Variants in PDE1C observed in about 807,000 individuals in gnomAD.
The protein encoded by PDE1C is dual specificity calcium/calmodulin-dependent 3',5'-cyclic nucleotide phosphodiesterase 1C.
In PDE1C, 62 loss-of-function variants were observed where a neutral mutation model predicts 93.1. That is an observed-to-expected ratio of 0.67 (90% CI 0.54 to 0.82). The LOEUF (loss-of-function observed/expected upper bound fraction) is 0.82, where lower values mean the gene tolerates loss of function less well. Ranked by LOEUF, PDE1C falls within the 40% of genes least tolerant of loss-of-function variation. PDE1C has a pLI of 0.00. For synonymous variants in PDE1C, 325 were observed against 310.1 expected (o/e 1.05, Z -0.50); for missense variants, 742 against 884.6 (o/e 0.84, Z 2.04).
chr7:32,377,140 A>T (rs1007055689), intron 1 of PDE1C, among the ~76,000 whole-genome samples: 3 of 152,196 alleles, frequency 2.0e-5, no homozygotes, highest in Admixed American at 2.0e-4. Flanking sequence ...AAATGAAAAA[A>T]AAATTAGACA....
the PDE1C span, among the ~76,000 whole-genome samples, chr7:31,732,668 G>GTGTA: frequency 3.0e-5 from 3 of 101,470 alleles, no homozygotes; most frequent in Non-Finnish European, 7.2e-5. Context: ...GTGTGTGTGT[G>GTGTA]TGTGTGTGTG....
At chr7:31,709,199 G>T in the PDE1C span, among the ~76,000 whole-genome samples, 1 of 152,114 alleles carries the variant, frequency 6.6e-6, no homozygotes, top group African/African-American at 2.4e-5. Context: ...AACCTTCATC[G>T]TTACTGACTT....
intron 1 of PDE1C, among the ~76,000 whole-genome samples, chr7:32,336,984 C>T (rs10237573): frequency 0.3 from 46,154 of 152,076 alleles, 8,048 homozygotes; most frequent in East Asian, 0.51. Flanking sequence ...TCATCTTACA[C>T]CCCGCCCTCC....
chr7:31,944,642 C>T (rs1361890039), intron 2 of PDE1C, among the ~76,000 whole-genome samples: 2 of 152,178 alleles, frequency 1.3e-5, no homozygotes, highest in East Asian at 1.9e-4. Flanking sequence ...TTTTAAAACA[C>T]CATATATCCC....
At chr7:32,096,561 A>G (rs1797755821) in intron 3 of PDE1C, among the ~76,000 whole-genome samples, 1 of 152,180 alleles carries the variant, frequency 6.6e-6, no homozygotes. Flanking sequence ...GCTCCTATTC[A>G]TCAGTTCTAA....
chr7:31,887,554 T>A (rs966916244), intron 2 of PDE1C, among the ~76,000 whole-genome samples: 2 of 152,234 alleles, frequency 1.3e-5, no homozygotes, highest in Non-Finnish European at 1.5e-5. Flanking sequence ...TAAAAAAAAA[T>A]TAGTAATGTT....
intron 2 of PDE1C, among the ~76,000 whole-genome samples, chr7:31,947,962 A>C (rs376496645): frequency 1.1e-3 from 161 of 152,346 alleles, no homozygotes; most frequent in African/African-American, 3.7e-3. Flanking sequence ...AAAATCTGAC[A>C]GATGGCAAGA....
In PDE1C at chr7:32,070,367, T is replaced by G. The variant is rs1320796707; in HGVS notation, c.27A>C (p.Glu9Asp). 6.2e-7 allele frequency: 1 copy of G among 1,614,236 alleles called. No individual in the cohort carries two copies. The highest frequency in any genetic ancestry group is 1.7e-5 in the Admixed American group (1 of 60,026). Residue 9 changes from glutamate (E) to aspartate (D), a missense_variant, in exon 1 of 18, where the codon GAA becomes GAC. Glu to Asp is a conservative substitution (Grantham distance 45, BLOSUM62 2). This residue lies in a region of PDE1C where 74 missense variants were observed against 88.2 expected (regional missense o/e 0.84). Coordinates refer to ENST00000396191, the MANE Select transcript of PDE1C (RefSeq NM_001191057.4). MESPTKEI[E>D]EFESNSLKYL... Reference sequence around the variant, plus strand: ...ATTTCAGAGAGTTGCTCTCAAATTCTTCAATCTCCTTGGTTGGCGACTCCA... The same window carrying G: ...ATTTCAGAGAGTTGCTCTCAAATTCGTCAATCTCCTTGGTTGGCGACTCCA...
intron 2 of PDE1C, among the ~76,000 whole-genome samples, chr7:32,190,474 G>A (rs1041708058): frequency 1.3e-5 from 2 of 152,154 alleles, no homozygotes; most frequent in African/African-American, 4.8e-5. Context: ...TTGAAAAGGA[G>A]GCATCACAGG....
intron 1 of PDE1C, among the ~76,000 whole-genome samples, chr7:32,385,081 G>T (rs1422248533): frequency 6.6e-6 from 1 of 152,224 alleles, no homozygotes; most frequent in Non-Finnish European, 1.5e-5. Context: ...CTTTTGTGGG[G>T]ATGAAAAGGC....
chr7:32,309,218 A>G (rs950972465), intron 1 of PDE1C, among the ~76,000 whole-genome samples: 25 of 152,294 alleles, frequency 1.6e-4, no homozygotes, highest in Non-Finnish European at 2.6e-4. Flanking sequence ...AAAAAGAAAC[A>G]AACAAAGCCT....
In PDE1C at chr7:32,230,058, A is replaced by T. The variant is rs146526182; in HGVS notation, c.86-20519T>A. 3.3e-4 allele frequency among the ~76,000 whole-genome samples: 51 copies of T among 152,322 alleles called. 1 individual carries two copies. Among genetic ancestry groups the T allele is most frequent in the African/African-American group, 1.1e-3 (45 of 41,578 alleles). On this transcript the variant is annotated intron_variant, in intron 1 of 18. Transcript: ENST00000396193. Reference sequence around the variant, plus strand: ...GCTCAGAAGCCTCTCCGGAATAGAAAAGAACATTCCTCTGTAGGCCTGTCA... The same window carrying T: ...GCTCAGAAGCCTCTCCGGAATAGAATAGAACATTCCTCTGTAGGCCTGTCA...
Position 31,893,218 on chromosome 7 carries a change from A to G in PDE1C, c.129-12358T>C, listed in dbSNP as rs1798862000. ...GGTGTTTTGTTGTATAGTCATTTCC[A>G]ATAAGTAGGAAAACAATTTGCATAT... On this transcript the variant is annotated intron_variant, in intron 2 of 17. Coordinates refer to ENST00000396191, the MANE Select transcript of PDE1C (RefSeq NM_001191057.4). 1.3e-5 allele frequency among the ~76,000 whole-genome samples: 2 copies of G among 152,224 alleles called. 1 individual carries two copies. The highest frequency in any genetic ancestry group is 4.1e-4 in the South Asian group (2 of 4,828).
At chr7:32,181,955 T>C (rs1803470255) in intron 2 of PDE1C, among the ~76,000 whole-genome samples, 1 of 152,134 alleles carries the variant, frequency 6.6e-6, no homozygotes, top group Admixed American at 6.6e-5. Context: ...CAATAAAAAA[T>C]GATACAGGGG....
intron 1 of PDE1C, among the ~76,000 whole-genome samples, chr7:32,229,488 C>A (rs10228315): frequency 0.046 from 6,933 of 152,250 alleles, 566 homozygotes; most frequent in African/African-American, 0.16. Context: ...TGGTCAGTGG[C>A]GATTTGACCC....
chr7:32,208,301 C>G (rs1219393999), intron 2 of PDE1C, among the ~76,000 whole-genome samples: 1 of 152,096 alleles, frequency 6.6e-6, no homozygotes. Context: ...TTTACTATGG[C>G]ACTGTCCACA....
chr7:31,744,583 T>C, the PDE1C span, among the ~76,000 whole-genome samples: 1 of 152,136 alleles, frequency 6.6e-6, no homozygotes, highest in Non-Finnish European at 1.5e-5. Context: ...TATGGAAACC[T>C]TTGAGCCACT....
In PDE1C at chr7:32,215,626, G is replaced by T. The variant is rs144305899; in HGVS notation, c.86-6087C>A. Among the ~76,000 whole-genome samples the T allele has an allele frequency of 1.2e-3, 186 of 152,324 alleles. 1 individual carries two copies. The highest frequency in any genetic ancestry group is 4.2e-3 in the African/African-American group (176 of 41,574). On this transcript the variant is annotated intron_variant, in intron 1 of 18. Coordinates refer to the PDE1C transcript ENST00000396193. ...ATCCTAACCCCAGACCACCCAGGGG[G>T]CTCTGATGTCACAGCTACGACACAA...
intron 1 of PDE1C, among the ~76,000 whole-genome samples, chr7:32,283,557 G>A (rs1364561859): frequency 1.3e-5 from 2 of 152,132 alleles, no homozygotes; most frequent in Non-Finnish European, 2.9e-5. Flanking sequence ...GAAGAGCATT[G>A]GCATGCCAGT....
Sources: allele counts gnomAD v4.1 joint callset (sites outside exome capture counted in the v4.1 genomes callset), GRCh38; gene constraint gnomAD v4.1.1; regional missense constraint gnomAD v4.1.1; transcripts MANE v1.5; gene names NCBI Gene and HGNC (gene_info 2026-07-23, HGNC 2026-07-21).